The following BABAM2 variants were observed in gnomAD, a reference collection of about 807,000 sequenced individuals.
BABAM2 encodes the protein BRISC and BRCA1 A complex member 2.
BABAM2 carries 31 observed loss-of-function variants against 54.7 expected under a neutral mutation model. The ratio of observed to expected loss-of-function variants is 0.57; its 90% CI spans 0.43 to 0.77. The LOEUF (loss-of-function observed/expected upper bound fraction) is 0.77. Ranked by LOEUF, BABAM2 falls within the 30% of genes least tolerant of loss-of-function variation. The pLI is 0.00. For missense variants in BABAM2, 364 were observed against 455.8 expected (o/e 0.80, Z 1.83); for synonymous variants, 167 against 162.9 (o/e 1.03, Z -0.19).
intron 7 of BABAM2, among the ~76,000 whole-genome samples, chr2:28,198,880 T>C (rs952794142): frequency 1.3e-5 from 2 of 152,152 alleles, no homozygotes; most frequent in African/African-American, 2.4e-5. Context: ...TAGAATCTGT[T>C]CTAGTGACAA....
chr2:28,025,427 A>G lies in BABAM2; in HGVS notation c.495+7A>G. 1.3e-6 allele frequency: 2 copies of G among 1,556,142 alleles called. No individual in the cohort carries two copies. Among genetic ancestry groups the G allele is most frequent in the Non-Finnish European group, 1.7e-6 (2 of 1,158,432 alleles). On this transcript the variant is annotated splice_region_variant and intron_variant, in intron 5 of 11. Coordinates refer to ENST00000379624, the MANE Select transcript of BABAM2 (RefSeq NM_199191.3). Reference sequence around the variant, plus strand: ...TGGGAAAAAAAACAACTGGGTAAGGATTTTTGAGAATGGAAAAAAAGATGA... The same window carrying G: ...TGGGAAAAAAAACAACTGGGTAAGGGTTTTTGAGAATGGAAAAAAAGATGA...
intron 3 of BABAM2, among the ~76,000 whole-genome samples, chr2:27,939,997 A>G (rs1335868618): frequency 6.6e-6 from 1 of 152,226 alleles, no homozygotes; most frequent in Non-Finnish European, 1.5e-5. Context: ...TGGCCAGTAA[A>G]AGAGTTGCCA....
At position 27,995,043 on chromosome 2, in the gene BABAM2, G is replaced by A. The variant is rs1427813127; in HGVS notation, c.300+6956G>A. 1.3e-5 allele frequency among the ~76,000 whole-genome samples: 2 copies of A among 152,150 alleles called. No homozygotes were observed. The highest frequency in any genetic ancestry group is 2.4e-5 in the African/African-American group (1 of 41,420). ...GCAGCTATTCTAGAGCTAAGGGAGA[G>A]GAATAAACTTTGAAGACCCTTTCCC... On this transcript the variant is annotated intron_variant, in intron 4 of 11. Transcript: ENST00000379624. This position sits in a 1 kb window ranked among gnomAD's most constrained non-coding sequence, Gnocchi z 4.1.
chr2:28,047,512 C>T (rs1219701446), intron 6 of BABAM2, among the ~76,000 whole-genome samples: 2 of 152,112 alleles, frequency 1.3e-5, no homozygotes, highest in South Asian at 2.1e-4. Context: ...ATTGATGTTG[C>T]CTCTGCTCAT....
At chr2:28,196,926 C>T (rs1354850515) in intron 7 of BABAM2, among the ~76,000 whole-genome samples, 1 of 140,084 alleles carries the variant, frequency 7.1e-6, no homozygotes, top group Non-Finnish European at 1.5e-5. Context: ...CTCACTGCAG[C>T]CTCCACCTCC....
chr2:28,267,438 TACACACACACACACAC>T (rs35450423), intron 10 of BABAM2, among the ~76,000 whole-genome samples: 5 of 141,830 alleles, frequency 3.5e-5, no homozygotes, highest in Admixed American at 3.5e-4. Context: ...CACACACACA[TACACACACACACACAC>T]ACACACACAC....
At chr2:28,111,280 C>T (rs560802720) in intron 6 of BABAM2, among the ~76,000 whole-genome samples, 3 of 152,042 alleles carry the variant, frequency 2.0e-5, no homozygotes, top group South Asian at 2.1e-4. Flanking sequence ...CACACCCAGC[C>T]GGCTGTTTCT....
chr2:28,152,062 G>A (rs987136753), intron 7 of BABAM2, among the ~76,000 whole-genome samples: 18 of 152,290 alleles, frequency 1.2e-4, no homozygotes, highest in Admixed American at 1.0e-3. Context: ...GTTAGAATAT[G>A]TAAGAATAAA....
intron 7 of BABAM2, among the ~76,000 whole-genome samples, chr2:28,184,224 G>A (rs1157171709): frequency 8.1e-6 from 1 of 123,960 alleles, no homozygotes. Context: ...CTGTCTTTCT[G>A]TCTCTGTCTC....
intron 6 of BABAM2, among the ~76,000 whole-genome samples, chr2:28,067,241 A>G (rs536917383): frequency 3.3e-5 from 5 of 152,312 alleles, no homozygotes; most frequent in African/African-American, 1.2e-4. Flanking sequence ...CCTTGTGGAC[A>G]TGTTTTAAAA....
intron 4 of BABAM2, chr2:28,013,241 A>C (rs1339476868): frequency 2.5e-6 from 1 of 400,256 alleles, no homozygotes; most frequent in Non-Finnish European, 5.0e-6. Context: ...CCACCTCCAA[A>C]GATTCTGACA....
At chr2:28,285,275 C>G (rs1686695375) in intron 10 of BABAM2, among the ~76,000 whole-genome samples, 1 of 152,162 alleles carries the variant, frequency 6.6e-6, no homozygotes. Flanking sequence ...CAAAGCTTGC[C>G]CACCTCGAGT....
chr2:28,315,408 T>C (rs1171189164), intron 11 of BABAM2, among the ~76,000 whole-genome samples: 3 of 150,108 alleles, frequency 2.0e-5, no homozygotes, highest in Admixed American at 6.6e-5. Context: ...TATTTCTTTG[T>C]GTGTGTGGTT....
At chr2:28,022,106 T>C (rs1057337394) in intron 4 of BABAM2, among the ~76,000 whole-genome samples, 1 of 152,126 alleles carries the variant, frequency 6.6e-6, no homozygotes, top group Non-Finnish European at 1.5e-5. Flanking sequence ...GAGCTATTGA[T>C]ATGGGAGCAC....
chr2:27,971,865 T>A (rs1444882970), intron 3 of BABAM2, among the ~76,000 whole-genome samples: 1 of 152,168 alleles, frequency 6.6e-6, no homozygotes, highest in Non-Finnish European at 1.5e-5. Flanking sequence ...AAAGAGTTGA[T>A]AACAAATTGC....
intron 2 of BABAM2, among the ~76,000 whole-genome samples, chr2:27,915,192 G>A (rs1186646693): frequency 1.3e-5 from 2 of 152,126 alleles, no homozygotes; most frequent in Non-Finnish European, 2.9e-5. Context: ...GAGGTGAGGA[G>A]GTCAATTGAG....
chr2:28,157,858 C>T (rs1672699110), intron 7 of BABAM2, among the ~76,000 whole-genome samples: 2 of 152,166 alleles, frequency 1.3e-5, no homozygotes, highest in Non-Finnish European at 2.9e-5. Flanking sequence ...ATCTGCCAGC[C>T]TCGGCCTCCC....
intron 6 of BABAM2, among the ~76,000 whole-genome samples, chr2:28,062,978 G>C (rs1679026769): frequency 6.6e-6 from 1 of 152,194 alleles, no homozygotes; most frequent in Admixed American, 6.5e-5. Flanking sequence ...TGCCTAGCAC[G>C]TCTTTTCCCC....
intron 3 of BABAM2, among the ~76,000 whole-genome samples, chr2:27,986,243 C>A (rs1039553602): frequency 3.3e-5 from 5 of 152,078 alleles, no homozygotes; most frequent in African/African-American, 9.7e-5. Context: ...AGAATATTTA[C>A]TTGGTGATAA....
Sources: allele counts gnomAD v4.1 joint callset (sites outside exome capture counted in the v4.1 genomes callset), GRCh38; gene constraint gnomAD v4.1.1; non-coding constraint Gnocchi (gnomAD v3.1); transcripts MANE v1.5; gene names NCBI Gene and HGNC (gene_info 2026-07-23, HGNC 2026-07-21).